Variants in PRKN observed in about 807,000 individuals in gnomAD.
PRKN encodes E3 ubiquitin-protein ligase parkin.
A neutral mutation model predicts 59.5 loss-of-function variants in PRKN; 56 were observed. The ratio of observed to expected loss-of-function variants is 0.94; its 90% CI spans 0.76 to 1.18. The LOEUF (loss-of-function observed/expected upper bound fraction) is 1.18, where lower values mean the gene tolerates loss of function less well. Among genes scored for constraint, PRKN ranks in the 50% most tolerant of loss-of-function variants. The pLI is 0.00. For missense variants in PRKN, 657 were observed against 596.4 expected, an observed-to-expected ratio of 1.10 and a Z score of -1.06; for synonymous variants, 250 against 222.1, an observed-to-expected ratio of 1.13 and a Z score of -1.12.
At chr6:162,448,447 GGTA>G (rs1216911909) in intron 1 of PRKN, among the ~76,000 whole-genome samples, 2 of 145,306 alleles carry the variant, frequency 1.4e-5, no homozygotes, top group Admixed American at 6.8e-5. Context: ...GACTGCTCTT[GGTA>G]AAGCAATGAG....
intron 7 of PRKN, among the ~76,000 whole-genome samples, chr6:161,639,327 T>C (rs1362116211): frequency 6.6e-6 from 1 of 152,200 alleles, no homozygotes; most frequent in Non-Finnish European, 1.5e-5. Context: ...CCAATGACCA[T>C]ACAGGATCGA....
rs188038098 is a variant in PRKN at position 161,706,532 on chromosome 6, C to A, written c.871+79240G>T. Among the ~76,000 whole-genome samples, 6 of 152,242 alleles carry A rather than the reference C, an allele frequency of 3.9e-5. No homozygotes were observed. The East Asian group carries it at 9.7e-4, about 25-fold the overall frequency. On this transcript the variant is annotated intron_variant, in intron 7 of 11. Transcript: ENST00000366898. Reference sequence around the variant, plus strand: ...ATGCAACTGGCACGCAGGAAGGAATCGATAAACGAAAGACAAGGAGAGAAA... The same window carrying A: ...ATGCAACTGGCACGCAGGAAGGAATAGATAAACGAAAGACAAGGAGAGAAA...
At chr6:162,487,347 G>A (rs914965753) in intron 1 of PRKN, among the ~76,000 whole-genome samples, 10 of 152,130 alleles carry the variant, frequency 6.6e-5, no homozygotes, top group Non-Finnish European at 1.3e-4. Context: ...ACCAATTCTA[G>A]TTTGTTCCTT....
chr6:161,366,763 C>T (rs987381572), intron 10 of PRKN, among the ~76,000 whole-genome samples: 1 of 152,100 alleles, frequency 6.6e-6, no homozygotes, highest in Admixed American at 6.5e-5. Context: ...AACTTGTAAC[C>T]AGCCCGGGTG....
chr6:161,909,831 G>A (rs1583332993), intron 6 of PRKN, among the ~76,000 whole-genome samples: 1 of 152,208 alleles, frequency 6.6e-6, no homozygotes, highest in Non-Finnish European at 1.5e-5. Context: ...TGGAGTCAAT[G>A]CTTTCATGAC....
At chr6:162,299,642 T>C (rs1261184930) in intron 2 of PRKN, among the ~76,000 whole-genome samples, 2 of 151,406 alleles carry the variant, frequency 1.3e-5, no homozygotes, top group Non-Finnish European at 2.9e-5. Context: ...TTTATATATA[T>C]ATGTATTTAT....
At chr6:162,104,238 TGAGAACA>T (rs1463498911) in intron 4 of PRKN, among the ~76,000 whole-genome samples, 1 of 152,178 alleles carries the variant, frequency 6.6e-6, no homozygotes, top group African/African-American at 2.4e-5. Flanking sequence ...AGGTAAAACA[TGAGAACA>T]GTCTCTGTTC....
intron 7 of PRKN, among the ~76,000 whole-genome samples, chr6:161,729,392 G>A (rs377206951): frequency 1.8e-4 from 27 of 151,610 alleles, no homozygotes; most frequent in South Asian, 4.2e-4. Flanking sequence ...TTTTTTTTGC[G>A]CATGTGTGTA....
At position 161,356,687 on chromosome 6, in the gene PRKN, C is replaced by T. The variant is rs926857824; in HGVS notation, c.1285+3401G>A. On this transcript the variant is annotated intron_variant, in intron 11 of 11. Coordinates refer to ENST00000366898, the MANE Select transcript of PRKN (RefSeq NM_004562.3). This position sits in a 1 kb window ranked among gnomAD's most constrained non-coding sequence, Gnocchi z 7.8. ...GAATGAAGGATGAGCTTTAGCTTAG[C>T]GGCTTGAGGAACTGGGCGGTGCTGT... Among the ~76,000 whole-genome samples, 1 of 152,010 alleles carries T rather than the reference C, an allele frequency of 6.6e-6. No homozygotes were observed. The highest frequency in any genetic ancestry group is 1.5e-5 in the Non-Finnish European group (1 of 67,994).
At chr6:161,769,116 A>G (rs753407882) in intron 7 of PRKN, among the ~76,000 whole-genome samples, 2 of 152,244 alleles carry the variant, frequency 1.3e-5, no homozygotes, top group African/African-American at 2.4e-5. Context: ...AATTATTCCT[A>G]TATCAAAGTA....
chr6:161,671,784 G>T (rs1202322416), intron 7 of PRKN, among the ~76,000 whole-genome samples: 1 of 152,156 alleles, frequency 6.6e-6, no homozygotes, highest in Non-Finnish European at 1.5e-5. Context: ...ATGTTGACCA[G>T]AATAAACAAC....
At chr6:162,556,121 C>T (rs1367469241) in intron 1 of PRKN, among the ~76,000 whole-genome samples, 3 of 152,094 alleles carry the variant, frequency 2.0e-5, no homozygotes, top group South Asian at 4.1e-4. Flanking sequence ...ACAGGCAATA[C>T]ATCCGTACTG....
rs369634041 is a variant in PRKN at position 162,262,647 on chromosome 6, C to T, written c.290G>A (p.Arg97Gln). ...CACCCGAGTCAAGCTCTGGGGCTCCCGCTCACAGCCTCCCGCCGCGTTTCT... is the reference window on the plus strand; with the variant it reads ...CACCCGAGTCAAGCTCTGGGGCTCCTGCTCACAGCCTCCCGCCGCGTTTCT... Reference protein sequence around the residue: ...DPRNAAGGCEREPQSLTRVDL... With the variant: ...DPRNAAGGCEQEPQSLTRVDL... The change falls in exon 3 of 12, where the codon CGG (arginine) becomes CAG (glutamine). Residue 97 changes from arginine to glutamine, a missense_variant. Arg to Gln is a conservative substitution (Grantham distance 43). Transcript: ENST00000366898. 2.0e-5 allele frequency: 33 copies of T among 1,613,758 alleles called. No individual in the cohort carries two copies. The highest frequency in any genetic ancestry group is 6.7e-5 in the East Asian group (3 of 44,872).
At chr6:162,382,658 G>A (rs1250589930) in intron 2 of PRKN, among the ~76,000 whole-genome samples, 1 of 152,120 alleles carries the variant, frequency 6.6e-6, no homozygotes, top group Non-Finnish European at 1.5e-5. Flanking sequence ...CTAGAAGTTG[G>A]GATGACTGTG....
At position 161,834,778 on chromosome 6, in the gene PRKN, G is replaced by A. The variant is rs566202318; in HGVS notation, c.735-48870C>T. Among the ~76,000 whole-genome samples the A allele has an allele frequency of 8.5e-5, 13 of 152,318 alleles. No homozygotes were observed. The South Asian group carries it at 2.5e-3, about 29-fold the overall frequency. ...ATGCTACACACGCCCTGGCTCTCAG[G>A]GTGGCTGCGATGGGAGGGGTCCCTC... On this transcript the variant is annotated intron_variant, in intron 6 of 11. Transcript: ENST00000366898.
At chr6:162,468,227 G>A (rs1260793413) in intron 1 of PRKN, among the ~76,000 whole-genome samples, 1 of 152,188 alleles carries the variant, frequency 6.6e-6, no homozygotes, top group Non-Finnish European at 1.5e-5. Context: ...TCACTTGGGT[G>A]GCATCCCTCG....
In PRKN at chr6:161,406,991, G is replaced by A. The variant is rs142938014; in HGVS notation, c.1084-20114C>T. 7.9e-4 allele frequency among the ~76,000 whole-genome samples: 120 copies of A among 152,194 alleles called. 2 individuals are homozygous for A. The East Asian group carries it at 0.021, about 27-fold the overall frequency. ...AACATCATGAGCTTAGGCCAGCCAA[G>A]GTTTAGGCTCGTTGGATATTTTTAA... On this transcript the variant is annotated intron_variant, in intron 9 of 11. Transcript: ENST00000366898.
At chr6:162,701,891 C>A (rs1778170452) in intron 1 of PRKN, among the ~76,000 whole-genome samples, 1 of 148,636 alleles carries the variant, frequency 6.7e-6, no homozygotes, top group African/African-American at 2.5e-5. Context: ...ACACACCCCC[C>A]CGACAAAATG....
At position 162,578,268 on chromosome 6, in the gene PRKN, CCT is replaced by C. The variant is rs371326425; in HGVS notation, c.8-134797_8-134796del. The stretch of plus-strand genomic sequence containing the variant: ...TATACAAACATATATATAGTATAAG[CCT>C]CTGTTTTAATTAAAAATATGAAAAT... On this transcript the variant is annotated intron_variant, in intron 1 of 11. Coordinates refer to ENST00000366898, the MANE Select transcript of PRKN (RefSeq NM_004562.3). Among the ~76,000 whole-genome samples, 128 of 151,858 alleles carry C rather than the reference CCT, an allele frequency of 8.4e-4. 2 individuals carry two copies. In the East Asian group the frequency reaches 0.021, roughly 25 times the overall value.
Sources: gnomAD v4.1 joint callset for allele counts (sites outside exome capture counted in the v4.1 genomes callset) on GRCh38, gnomAD v4.1.1 for gene constraint, Gnocchi (gnomAD v3.1) non-coding constraint, MANE v1.5 for transcripts, NCBI Gene and HGNC (gene_info 2026-07-23, HGNC 2026-07-21) for gene names.